The following C6orf118 variants were observed in gnomAD, a reference collection of about 807,000 sequenced individuals.
The protein encoded by C6orf118 is uncharacterized protein C6orf118.
In C6orf118, 50 loss-of-function variants were observed where a neutral mutation model predicts 50.2. The observed-to-expected ratio is 1.00, with a 90% CI of 0.79 to 1.26. The LOEUF (loss-of-function observed/expected upper bound fraction) is 1.26, where lower values mean the gene tolerates loss of function less well. Ranked by LOEUF, C6orf118 falls within the 50% of genes most tolerant of loss-of-function variation. The pLI, the probability that C6orf118 is intolerant of heterozygous loss-of-function variation, is 0.00. For synonymous variants in C6orf118, 239 were observed against 230.9 expected (o/e 1.03, Z -0.32); for missense variants, 641 against 578.7 (o/e 1.11, Z -1.10).
In C6orf118 at chr6:165,302,138, C is replaced by T; in HGVS notation, c.184G>A (p.Gly62Arg). 6.2e-7 allele frequency: 1 copy of T among 1,613,994 alleles called. No individual in the cohort carries two copies. The highest frequency in any genetic ancestry group is 8.5e-7 in the Non-Finnish European group (1 of 1,180,012). The change falls in exon 2 of 9, where the codon GGA (glycine) becomes AGA (arginine). Residue 62 changes from glycine (G) to arginine (R), a missense_variant. Physicochemically the swap from Gly to Arg is moderately radical, Grantham distance 125. Coordinates refer to ENST00000230301, the MANE Select transcript of C6orf118 (RefSeq NM_144980.4). ...TAGAGCTTGTTGGGGTTCAGGTGTC[C>T]AGAGATGTAGAGGTAGACGTCCTCC... ...HREDVYLYIS[G>R]HLNPNKLYQP...
chr6:165,302,373 G>C (rs1203377843), intron 1 of C6orf118, 77 bp from the exon 2 acceptor site: 1 of 1,519,330 alleles, frequency 6.6e-7, no homozygotes, highest in African/African-American at 1.4e-5. Flanking sequence ...CTGGCTGAGA[G>C]GCGTAGCCCC....
At chr6:165,300,308 A>G in intron 3 of C6orf118, 56 bp downstream of exon 3, 1 of 1,603,466 alleles carries the variant, frequency 6.2e-7, no homozygotes, top group Non-Finnish European at 8.5e-7. Flanking sequence ...TCATTCTTGT[A>G]CACAGAACCT....
chr6:165,293,791 A>T (rs1357869293), intron 5 of C6orf118, among the ~76,000 whole-genome samples: 5 of 152,234 alleles, frequency 3.3e-5, no homozygotes, highest in Non-Finnish European at 1.5e-5. Context: ...AATTTAAAAA[A>T]GATAATTTAA....
chr6:165,288,206 A>G (rs1779979400), intron 7 of C6orf118, among the ~76,000 whole-genome samples: 1 of 152,240 alleles, frequency 6.6e-6, no homozygotes, highest in African/African-American at 2.4e-5. Context: ...GTCATCAGAG[A>G]AATGCAAATC....
rs958668270 is a variant in C6orf118, at chr6:165,281,710, T to G, written c.1303-17A>C. On this transcript the variant is annotated splice_polypyrimidine_tract_variant and intron_variant, in intron 7 of 8. Coordinates refer to ENST00000230301, the MANE Select transcript of C6orf118 (RefSeq NM_144980.4). ...AGCTTCATGCTGGAAGAGAAGTTGT[T>G]TTAAACACAATATACTTGGTTAAAA... 17 of 1,438,202 alleles carry G rather than the reference T, an allele frequency of 1.2e-5. No homozygotes were observed. The highest frequency in any genetic ancestry group is 2.6e-5 in the Admixed American group (1 of 37,766). 89.1% of individuals were successfully genotyped at this position (1,438,202 alleles called of 1,614,324 possible).
chr6:165,282,852 A>C (rs527886849), intron 7 of C6orf118, among the ~76,000 whole-genome samples: 1 of 152,254 alleles, frequency 6.6e-6, no homozygotes, highest in African/African-American at 2.4e-5. Context: ...GACTTGTTTT[A>C]TCTAAGGAGG....
At chr6:165,307,744 C>T (rs1780796419) in intron 1 of C6orf118, among the ~76,000 whole-genome samples, 2 of 152,154 alleles carry the variant, frequency 1.3e-5, no homozygotes, top group Non-Finnish European at 2.9e-5. Context: ...TCTGGAAAGA[C>T]TTCCAAGAAC....
intron 7 of C6orf118, among the ~76,000 whole-genome samples, chr6:165,284,539 G>T (rs181633564): frequency 6.6e-6 from 1 of 152,232 alleles, no homozygotes; most frequent in East Asian, 1.9e-4. Context: ...CTCCAAGGTT[G>T]AAATGAAGGA....
At position 165,302,304 on chromosome 6, in the gene C6orf118, G is replaced by T. The variant is rs1780588509; in HGVS notation, c.26-8C>A. 1.2e-6 allele frequency: 2 copies of T among 1,607,564 alleles called. No individual in the cohort carries two copies. Among genetic ancestry groups the T allele is most frequent in the Non-Finnish European group, 1.7e-6 (2 of 1,178,668 alleles). The stretch of plus-strand genomic sequence containing the variant: ...GCTTCCACTTCAGGTACACTGGTCA[G>T]AAAAGAAAAGGAGGCTCTTAGGGAT... On this transcript the variant is annotated splice_region_variant and splice_polypyrimidine_tract_variant and intron_variant, in intron 1 of 8. Transcript: ENST00000230301.
intron 7 of C6orf118, among the ~76,000 whole-genome samples, chr6:165,282,782 G>A (rs977475568): frequency 2.0e-5 from 3 of 151,548 alleles, no homozygotes; most frequent in Non-Finnish European, 4.4e-5. Context: ...TAAATAAGAA[G>A]TAGTTAAAGT....
At chr6:165,309,317 A>G (rs1780857109) in intron 1 of C6orf118, among the ~76,000 whole-genome samples, 1 of 151,734 alleles carries the variant, frequency 6.6e-6, no homozygotes, top group Non-Finnish European at 1.5e-5. Context: ...GCAGGTCCAC[A>G]CTCGCTGGCT....
rs1482805325 is a variant in C6orf118, at chr6:165,301,958, C to T, written c.364G>A (p.Glu122Lys). 2 of 1,613,832 alleles carry T rather than the reference C, an allele frequency of 1.2e-6. No individual in the cohort carries two copies. Among genetic ancestry groups the T allele is most frequent in the Admixed American group, 1.7e-5 (1 of 60,026 alleles). ...CTGAACAGCGGGGTGTCCTGGGCCT[C>T]ACTGGGGACCAGGGCCGTGTGGATG... ...FTIHTALVPS[E>K]AQDTPLFRYL... Residue 122 changes from glutamate to lysine, a missense_variant, in exon 2 of 9, where the codon GAG becomes AAG. Glu to Lys is a moderately conservative substitution (Grantham distance 56, BLOSUM62 1). Coordinates refer to ENST00000230301, the MANE Select transcript of C6orf118 (RefSeq NM_144980.4).
Position 165,305,629 on chromosome 6 carries a change from A to C in C6orf118, c.26-3333T>G, listed in dbSNP as rs1463782698. On this transcript the variant is annotated intron_variant, in intron 1 of 8. Transcript: ENST00000230301. Reference sequence around the variant, plus strand: ...AATGAACTCAAACAAATTTACAAGAAAAAAACAAACAACCCCATCAAAAAG... The same window carrying C: ...AATGAACTCAAACAAATTTACAAGACAAAAACAAACAACCCCATCAAAAAG... Among the ~76,000 whole-genome samples, 13 of 90,434 alleles carry C rather than the reference A, an allele frequency of 1.4e-4. No individual in the cohort carries two copies. In the East Asian group the frequency reaches 1.6e-3, roughly 11 times the overall value. 59.3% of individuals were successfully genotyped at this position (90,434 alleles called of 152,430 possible).
At chr6:165,295,274 T>A (rs1188165989) in intron 5 of C6orf118, among the ~76,000 whole-genome samples, 2 of 152,244 alleles carry the variant, frequency 1.3e-5, no homozygotes, top group Non-Finnish European at 2.9e-5. Flanking sequence ...CCTCGGTTTT[T>A]ATCTTGTTTT....
intron 5 of C6orf118, among the ~76,000 whole-genome samples, chr6:165,294,475 C>T (rs1005790304): frequency 6.6e-6 from 1 of 152,060 alleles, no homozygotes; most frequent in African/African-American, 2.4e-5. Flanking sequence ...CATCCACATG[C>T]AAATAATTTA....
In C6orf118 at chr6:165,307,555, CA is replaced by C. The variant is rs397964734; in HGVS notation, c.25+2006del. On this transcript the variant is annotated intron_variant, in intron 1 of 8. Coordinates refer to ENST00000230301, the MANE Select transcript of C6orf118 (RefSeq NM_144980.4). Reference sequence around the variant, plus strand: ...CCTGGACGACAGAGTGAGACTGCCTCAAAAAAAAAAAAAATTTTTTTTAATC... The same window carrying C: ...CCTGGACGACAGAGTGAGACTGCCTCAAAAAAAAAAAAATTTTTTTTAATC... 6.1e-3 allele frequency among the ~76,000 whole-genome samples: 830 copies of C among 136,098 alleles called. 1 individual carries two copies. The highest frequency in any genetic ancestry group is 7.9e-3 in the Non-Finnish European group (516 of 65,156). 89.3% of individuals were successfully genotyped at this position (136,098 alleles called of 152,430 possible).
In C6orf118 at chr6:165,301,653, C is replaced by G; in HGVS notation, c.669G>C (p.Lys223Asn). The G allele has an allele frequency of 6.2e-7, 1 of 1,614,166 alleles. No homozygotes were observed. The highest frequency in any genetic ancestry group is 8.5e-7 in the Non-Finnish European group (1 of 1,180,022). ...GGAGATCTTGCTTGGCGAGCACTTC[C>G]TTCTGGAAACGCAGGAACATCCTGT... ...DRYRMFLRFQ[K>N]EVLAKQDLLK... The change falls in exon 2 of 9, where the codon AAG becomes AAC. Residue 223 changes from lysine (K) to asparagine (N), a missense_variant. Coordinates refer to ENST00000230301, the MANE Select transcript of C6orf118 (RefSeq NM_144980.4).
At position 165,285,467 on chromosome 6, in the gene C6orf118, G is replaced by C. The variant is rs1002553778; in HGVS notation, c.1303-3774C>G. Among the ~76,000 whole-genome samples the C allele has an allele frequency of 6.0e-4, 91 of 152,134 alleles. 1 individual carries two copies. Among genetic ancestry groups the C allele is most frequent in the African/African-American group, 2.1e-3 (85 of 41,436 alleles). ...CAAGTGGACCTGATAGATATGTACA[G>C]AGCTCTCCATCCCAAAACAACAGAA... On this transcript the variant is annotated intron_variant, in intron 7 of 8. Coordinates refer to ENST00000230301, the MANE Select transcript of C6orf118 (RefSeq NM_144980.4).
intron 7 of C6orf118, among the ~76,000 whole-genome samples, chr6:165,283,522 G>A (rs1779802863): frequency 6.6e-6 from 1 of 152,188 alleles, no homozygotes; most frequent in African/African-American, 2.4e-5. Context: ...GACTGGGTGA[G>A]ACCTCCCAAC....
Sources: gnomAD v4.1 joint callset for allele counts (sites outside exome capture counted in the v4.1 genomes callset) on GRCh38, gnomAD v4.1.1 for gene constraint, MANE v1.5 for transcripts, NCBI Gene and HGNC (gene_info 2026-07-23, HGNC 2026-07-21) for gene names.